PHF2: variants seen among roughly 807,000 people sequenced by gnomAD.
PHF2 encodes PHD finger protein 2.
A neutral mutation model predicts 120.5 loss-of-function variants in PHF2; 27 were observed. The observed-to-expected ratio is 0.22, with a 90% CI of 0.17 to 0.31. PHF2 has a LOEUF of 0.31. Ranked by LOEUF, PHF2 falls within the 10% of genes least tolerant of loss-of-function variation. The pLI, the probability that PHF2 is intolerant of heterozygous loss-of-function variation, is 1.00. For missense variants in PHF2, 1,024 were observed against 1,434.8 expected (o/e 0.71, Z 4.63); for synonymous variants, 568 against 592.5 (o/e 0.96, Z 0.60).
intron 1 of PHF2, among the ~76,000 whole-genome samples, chr9:93,581,448 G>A (rs1587657718): frequency 6.6e-6 from 1 of 152,282 alleles, no homozygotes; most frequent in East Asian, 1.9e-4. Context: ...AGATGTTGTT[G>A]TGATGTGTTT....
At chr9:93,600,818 C>G (rs1825426234) in intron 1 of PHF2, among the ~76,000 whole-genome samples, 1 of 152,224 alleles carries the variant, frequency 6.6e-6, no homozygotes, top group Non-Finnish European at 1.5e-5. Context: ...CATTCAAAGT[C>G]TAACCAGGCC....
chr9:93,644,149 G>A (rs375176160), intron 3 of PHF2, among the ~76,000 whole-genome samples: 7 of 152,174 alleles, frequency 4.6e-5, no homozygotes, highest in African/African-American at 1.4e-4. Context: ...CACTTTGGAA[G>A]GCCGAGGTGG....
At chr9:93,665,949 C>T (rs80173486) in intron 15 of PHF2, 41 bp from the exon 16 acceptor site, 24,847 of 1,612,192 alleles carry the variant, frequency 0.015, 611 homozygotes, top group East Asian at 0.11. Context: ...GCTGGCTCCC[C>T]GCAAGGCCTC....
intron 1 of PHF2, among the ~76,000 whole-genome samples, chr9:93,603,096 C>T (rs1353685999): frequency 3.3e-5 from 5 of 152,126 alleles, no homozygotes; most frequent in African/African-American, 9.7e-5. Flanking sequence ...GGGGCTTCAG[C>T]GGTTGCTGGG....
In PHF2 at chr9:93,656,048, C is replaced by T. The variant is rs1289659233; in HGVS notation, c.1040+27C>T. ...TAGTGCCTGCCGCGCTGTCTGCCCT[C>T]GGGCTCCGCAGAGCAGCGTCCTCCC... On this transcript the variant is annotated intron_variant, in intron 8 of 21. Transcript: ENST00000359246. This position sits in a 1 kb window ranked among gnomAD's most constrained non-coding sequence, Gnocchi z 4.1. The T allele has an allele frequency of 1.4e-5, 22 of 1,586,952 alleles. No individual in the cohort carries two copies. The highest frequency in any genetic ancestry group is 3.4e-5 in the Admixed American group (2 of 58,532).
chr9:93,607,362 C>T (rs1267224918), intron 1 of PHF2, among the ~76,000 whole-genome samples: 2 of 150,912 alleles, frequency 1.3e-5, no homozygotes. Context: ...ACCTCTACCT[C>T]CTGGGTTCAA....
At chr9:93,667,544 A>G (rs1689489202) in intron 17 of PHF2, among the ~76,000 whole-genome samples, 1 of 152,168 alleles carries the variant, frequency 6.6e-6, no homozygotes, top group Non-Finnish European at 1.5e-5. Flanking sequence ...GAATTTCCAC[A>G]TGTACTACAG....
chr9:93,605,590 T>G (rs1825527672), intron 1 of PHF2, among the ~76,000 whole-genome samples: 1 of 152,254 alleles, frequency 6.6e-6, no homozygotes, highest in African/African-American at 2.4e-5. Context: ...TGTCATGTAG[T>G]AGACATTCTG....
intron 2 of PHF2, among the ~76,000 whole-genome samples, chr9:93,634,697 C>G (rs895326521): frequency 1.3e-5 from 2 of 152,228 alleles, no homozygotes; most frequent in Non-Finnish European, 2.9e-5. Flanking sequence ...GCTGAGCAGC[C>G]AGTGTGACAA....
chr9:93,659,190 G>A (rs1826515194), intron 10 of PHF2, among the ~76,000 whole-genome samples: 1 of 152,232 alleles, frequency 6.6e-6, no homozygotes, highest in Admixed American at 6.5e-5. Context: ...GGCAGTCCAG[G>A]GCGCCCCTGC....
intron 2 of PHF2, among the ~76,000 whole-genome samples, chr9:93,631,715 C>A (rs149553252): frequency 1.7e-3 from 260 of 151,992 alleles, no homozygotes; most frequent in African/African-American, 6.0e-3. Flanking sequence ...GCCTAGGGGG[C>A]AGGTGTCAGA....
chr9:93,629,260 G>T (rs1020736778), intron 1 of PHF2, among the ~76,000 whole-genome samples: 6 of 152,184 alleles, frequency 3.9e-5, no homozygotes, highest in African/African-American at 1.4e-4. Flanking sequence ...CATTTTGCTG[G>T]GTTAGCTTCT....
intron 14 of PHF2, among the ~76,000 whole-genome samples, chr9:93,664,541 A>G (rs1404633407): frequency 6.6e-6 from 1 of 152,128 alleles, no homozygotes; most frequent in Non-Finnish European, 1.5e-5. Flanking sequence ...TTCCTCATTG[A>G]AGAGATGAGA....
chr9:93,665,298 C>T (rs1019316044), intron 14 of PHF2, among the ~76,000 whole-genome samples: 14 of 152,202 alleles, frequency 9.2e-5, no homozygotes, highest in African/African-American at 3.4e-4. Context: ...GTCCAGTGGC[C>T]CTGGGACAGT....
intron 3 of PHF2, among the ~76,000 whole-genome samples, chr9:93,639,359 T>C (rs971088419): frequency 6.6e-6 from 1 of 152,210 alleles, no homozygotes; most frequent in Non-Finnish European, 1.5e-5. Flanking sequence ...TTTTCTTAAT[T>C]TTCAGATTGT....
intron 1 of PHF2, among the ~76,000 whole-genome samples, chr9:93,626,833 A>T (rs1825922032): frequency 6.6e-6 from 1 of 152,224 alleles, no homozygotes; most frequent in South Asian, 2.1e-4. Flanking sequence ...TGTTGAAGAG[A>T]TTATTCCTTC....
chr9:93,597,040 C>T (rs560989981), intron 1 of PHF2, among the ~76,000 whole-genome samples: 27 of 151,544 alleles, frequency 1.8e-4, no homozygotes, highest in African/African-American at 6.6e-4. Context: ...ATGCCATTCT[C>T]CAGCCTCAGC....
At chr9:93,655,730 A>G (rs1201532103) in intron 7 of PHF2, among the ~76,000 whole-genome samples, 2 of 152,350 alleles carry the variant, frequency 1.3e-5, no homozygotes, top group East Asian at 3.9e-4. Flanking sequence ...GGCCAGAGCC[A>G]GAGAGCTTCT....
intron 1 of PHF2, among the ~76,000 whole-genome samples, chr9:93,604,729 G>A (rs1424911651): frequency 7.2e-5 from 11 of 152,142 alleles, no homozygotes; most frequent in Non-Finnish European, 1.5e-5. Flanking sequence ...CTCCCAAAGT[G>A]CTGGGCCACC....
Sources: gnomAD v4.1 joint callset for allele counts (sites outside exome capture counted in the v4.1 genomes callset) on GRCh38, gnomAD v4.1.1 for gene constraint, Gnocchi (gnomAD v3.1) non-coding constraint, MANE v1.5 for transcripts, NCBI Gene and HGNC (gene_info 2026-07-23, HGNC 2026-07-21) for gene names.